SLC39A4: variants seen among roughly 807,000 people sequenced by gnomAD.
The protein encoded by SLC39A4 is zinc transporter ZIP4.
Under a neutral mutation model 56.6 loss-of-function variants are expected in SLC39A4, and 49 were observed. The observed-to-expected ratio is 0.87, with a 90% CI of 0.69 to 1.10. The LOEUF is 1.10. Ranked by LOEUF, SLC39A4 falls within the 50% of genes least tolerant of loss-of-function variation. The pLI, the probability that SLC39A4 is intolerant of heterozygous loss-of-function variation, is 0.00. For missense variants in SLC39A4, 993 were observed against 864.2 expected (o/e 1.15, Z -1.87); for synonymous variants, 540 against 420.4 (o/e 1.28, Z -3.48).
Position 144,414,900 on chromosome 8 carries a change from G to A in SLC39A4, c.805-4C>T, listed in dbSNP as rs2130799328. 5.0e-6 allele frequency: 8 copies of A among 1,613,220 alleles called. No homozygotes were observed. Among genetic ancestry groups the A allele is most frequent in the Non-Finnish European group, 6.8e-6 (8 of 1,179,944 alleles). ...CGTCCCTGGCACTCAGGCATACCTG[G>A]GGGGTGGCAGGACAGGCTCAGGGGC... On this transcript the variant is annotated splice_region_variant and splice_polypyrimidine_tract_variant and intron_variant, in intron 4 of 11. Transcript: ENST00000301305.
At chr8:144,414,190 C>T (rs1822055812) in intron 6 of SLC39A4, 72 bp downstream of exon 6, 1 of 1,579,782 alleles carries the variant, frequency 6.3e-7, no homozygotes, top group Non-Finnish European at 8.6e-7. Flanking sequence ...GGGTAAGGTC[C>T]CTGGGAGGGC....
chr8:144,413,573 A>G lies in SLC39A4; in HGVS notation c.1420-6T>C, dbSNP rs2130795129. 6.4e-7 allele frequency: 1 copy of G among 1,551,452 alleles called. No homozygotes were observed. ...TCCGGGCTCTCCTCCGCCACCTGGG[A>G]GGAGCCTTGAGTAAGTCCCGCCCGG... On this transcript the variant is annotated splice_region_variant and splice_polypyrimidine_tract_variant and intron_variant, in intron 8 of 11. Coordinates refer to ENST00000301305, the MANE Select transcript of SLC39A4 (RefSeq NM_130849.4).
At chr8:144,415,448 C>A in intron 2 of SLC39A4, 29 bp from the exon 3 acceptor site, 1 of 1,573,014 alleles carries the variant, frequency 6.4e-7, no homozygotes, top group East Asian at 2.3e-5. Context: ...CCGCCTCAGC[C>A]TTTGGTGTGA....
chr8:144,413,183 C>G, intron 10 of SLC39A4, 54 bp downstream of exon 10: 3 of 1,511,712 alleles, frequency 2.0e-6, no homozygotes, highest in Non-Finnish European at 2.7e-6. Flanking sequence ...CAGGTCTCCC[C>G]TCCCAGCCCC....
In SLC39A4 at chr8:144,415,416, A is replaced by G; in HGVS notation, c.478T>C (p.Cys160Arg). ...TCCAGCAGCTGAGGGATATCTACGC[A>G]GGCCTGGGGAAGAGGGGGCCTCCGC... ...RAAGQTPKMA[C>R]VDIPQLLEEA... The change falls in exon 3 of 12, where the codon TGC becomes CGC. Residue 160 changes from cysteine (C) to arginine (R), a missense_variant. Transcript: ENST00000301305. 2 of 1,599,284 alleles carry G rather than the reference A, an allele frequency of 1.3e-6. No individual in the cohort carries two copies. Among genetic ancestry groups the G allele is most frequent in the South Asian group, 1.1e-5 (1 of 89,612 alleles).
Position 144,414,559 on chromosome 8 carries a change from G to A in SLC39A4, c.977-125C>T, listed in dbSNP as rs1822082671. Reference sequence around the variant, plus strand: ...GGCCCTCACTCAGGCTGACCCTCCTGCCTCAAAGCCCCACTCTCCTGGCGA... The same window carrying A: ...GGCCCTCACTCAGGCTGACCCTCCTACCTCAAAGCCCCACTCTCCTGGCGA... On this transcript the variant is annotated intron_variant, in intron 5 of 11. Coordinates refer to ENST00000301305, the MANE Select transcript of SLC39A4 (RefSeq NM_130849.4). 4 of 1,498,004 alleles carry A rather than the reference G, an allele frequency of 2.7e-6. No homozygotes were observed. The South Asian group carries it at 3.8e-5, about 14-fold the overall frequency. The allele number at this position is 1,498,004 out of a possible 1,614,324, so 92.8% of individuals were successfully genotyped here.
Position 144,413,401 on chromosome 8 carries a change from G to A in SLC39A4, c.1475-12C>T, listed in dbSNP as rs781949871. ...CAGTAGCCTCAACTCTGCGGGCGCA[G>A]AGGCCCGTGGGTTCGCGTGGCCTGT... On this transcript the variant is annotated splice_polypyrimidine_tract_variant and intron_variant, in intron 9 of 11. Transcript: ENST00000301305. 4.6e-5 allele frequency: 74 copies of A among 1,607,938 alleles called. No homozygotes were observed. Among genetic ancestry groups the A allele is most frequent in the Non-Finnish European group, 5.9e-5 (70 of 1,178,436 alleles).
In SLC39A4 at chr8:144,415,374, C is replaced by T. The variant is rs782501611; in HGVS notation, c.520G>A (p.Gly174Arg). 1.9e-6 allele frequency: 3 copies of T among 1,608,416 alleles called. No individual in the cohort carries two copies. Among genetic ancestry groups the T allele is most frequent in the Admixed American group, 3.4e-5 (2 of 59,440 alleles). Residue 174 changes from glycine (G) to arginine (R), a missense_variant, in exon 3 of 12, where the codon GGG (glycine) becomes AGG (arginine). By Grantham distance (125) the Gly-to-Arg change is moderately radical. Transcript: ENST00000301305. ...PQLLEEAVGA[G>R]APGSAGGVLA... ...ACGCCGCCAGCACTGCCCGGAGCCCCCGCCCCCACCGCCTCCTCCAGCAGC... is the reference window on the plus strand; with the variant it reads ...ACGCCGCCAGCACTGCCCGGAGCCCTCGCCCCCACCGCCTCCTCCAGCAGC...
At chr8:144,414,661 C>T (rs1822087126) in intron 5 of SLC39A4, 64 bp downstream of exon 5, 2 of 1,594,974 alleles carry the variant, frequency 1.3e-6, no homozygotes, top group Non-Finnish European at 1.7e-6. Context: ...TGGGCAGCCA[C>T]TCCTTCCTTC....
Position 144,416,000 on chromosome 8 carries a change from C to T in SLC39A4, c.284G>A (p.Arg95His). The T allele has an allele frequency of 6.3e-7, 1 of 1,583,020 alleles. No individual in the cohort carries two copies. ...GTACAGGACGGCGGCGGCACTGAGG[C>T]GGGCGACGTACCTGGCCTCCAGGAC... is the stretch of plus-strand genomic sequence containing the variant. ...GPVLEARYVA[R>H]LSAAAVLYLS... Residue 95 changes from arginine (R) to histidine (H), a missense_variant, in exon 2 of 12, where the codon CGC (arginine) becomes CAC (histidine). By Grantham distance (29) the Arg-to-His change is conservative. Transcript: ENST00000301305.
In SLC39A4 at chr8:144,415,094, C is replaced by T. The variant is rs782527583; in HGVS notation, c.684G>A (p.Met228Ile). Reference sequence around the variant, plus strand: ...CCTCCCTGCCCACCCCCAGGCGCTGCATCAAGGCTGACAGCTCTGGCAGGG... The same window carrying T: ...CCTCCCTGCCCACCCCCAGGCGCTGTATCAAGGCTGACAGCTCTGGCAGGG... ...PMTLAELSAL[M>I]QRLGVGREAH... Residue 228 changes from methionine (M) to isoleucine (I), a missense_variant, in exon 4 of 12, where the codon ATG (methionine) becomes ATA (isoleucine). Met to Ile is a conservative substitution (Grantham distance 10). Transcript: ENST00000301305. 5 of 1,612,006 alleles carry T rather than the reference C, an allele frequency of 3.1e-6. No individual in the cohort carries two copies. Among genetic ancestry groups the T allele is most frequent in the Middle Eastern group, 1.7e-4 (1 of 6,056 alleles).
At position 144,413,578 on chromosome 8, in the gene SLC39A4, C is replaced by T; in HGVS notation, c.1420-11G>A. 6.4e-7 allele frequency: 1 copy of T among 1,551,154 alleles called. No individual in the cohort carries two copies. ...GCTCTCCTCCGCCACCTGGGAGGAG[C>T]CTTGAGTAAGTCCCGCCCGGAAGTG... On this transcript the variant is annotated splice_polypyrimidine_tract_variant and intron_variant, in intron 8 of 11. Transcript: ENST00000301305.
chr8:144,413,925 C>T, intron 7 of SLC39A4, 33 bp downstream of exon 7: 1 of 1,610,438 alleles, frequency 6.2e-7, no homozygotes, highest in Non-Finnish European at 8.5e-7. Flanking sequence ...CCCAGCACAC[C>T]CACCCGCCGG....
Position 144,412,900 on chromosome 8 carries a change from T to C in SLC39A4, c.1674A>G (p.Ala558=). ...LLHAGLSVRQ[A]LLLNLASALT... ...GCGCGGAGGCCAGGTTCAGCAGCAG[T>C]GCTTGGCGCACGGACAGCCCCGCGT... Residue 558 remains alanine, a synonymous_variant, in exon 11 of 12, where the codon GCA becomes GCG. Transcript: ENST00000301305. The C allele has an allele frequency of 6.2e-7, 1 of 1,609,808 alleles. No individual in the cohort carries two copies. Among genetic ancestry groups the C allele is most frequent in the South Asian group, 1.1e-5 (1 of 90,978 alleles).
At chr8:144,413,113 C>T in intron 10 of SLC39A4, 124 bp downstream of exon 10, 2 of 1,484,220 alleles carry the variant, frequency 1.3e-6, no homozygotes, top group African/African-American at 1.4e-5. Context: ...CACCTGTTTC[C>T]GGTCTCCCCA....
chr8:144,415,875 T>C lies in SLC39A4; in HGVS notation c.409A>G (p.Thr137Ala). ...LALLESPKAL[T>A]PGLSWLLQRM... ...TGCAGCAGCCAGCTCAGGCCCGGGG[T>C]CAGGGCCTTGGGGCTCTCGAGCAGG... Residue 137 changes from threonine (T) to alanine (A), a missense_variant, in exon 2 of 12, where the codon ACC becomes GCC. Thr to Ala is a moderately conservative substitution (Grantham distance 58). Transcript: ENST00000301305. 6.3e-7 allele frequency: 1 copy of C among 1,596,946 alleles called. No individual in the cohort carries two copies.
At position 144,412,633 on chromosome 8, in the gene SLC39A4, G is replaced by C. The variant is rs1821924831; in HGVS notation, c.1849C>G (p.Pro617Ala). ...PAMLKVRDPR[P>A]WLLFLLHNVG... ...TTGTGCAGCAGGAAGAGGAGCCAGG[G>C]CCGCGGGTCCCGTACTTTCAACATC... Residue 617 changes from proline to alanine, a missense_variant, in exon 12 of 12, where the codon CCC becomes GCC. Coordinates refer to ENST00000301305, the MANE Select transcript of SLC39A4 (RefSeq NM_130849.4). 6.2e-7 allele frequency: 1 copy of C among 1,613,998 alleles called. No homozygotes were observed. The highest frequency in any genetic ancestry group is 8.5e-7 in the Non-Finnish European group (1 of 1,180,020).
chr8:144,415,819 G>A lies in SLC39A4; in HGVS notation c.465C>T (p.Thr155=), dbSNP rs781789218. The part of the protein sequence containing the change: ...QRMQARAAGQ[T]PKMACVDIPQ... The stretch of plus-strand genomic sequence containing the variant: ...CTGGACTCTCCCTCACCATCTTGGG[G>A]GTCTGGCCGGCAGCCCGGGCCTGCA... Residue 155 remains threonine (T), a synonymous_variant, in exon 2 of 12, where the codon ACC becomes ACT. Transcript: ENST00000301305. The A allele has an allele frequency of 1.3e-6, 2 of 1,594,706 alleles. No individual in the cohort carries two copies. The highest frequency in any genetic ancestry group is 1.7e-6 in the Non-Finnish European group (2 of 1,175,760).
At position 144,413,504 on chromosome 8, in the gene SLC39A4, T is replaced by G. The variant is rs1554872402; in HGVS notation, c.1474+9A>C. 6.4e-7 allele frequency: 1 copy of G among 1,555,950 alleles called. No individual in the cohort carries two copies. The highest frequency in any genetic ancestry group is 1.9e-5 in the Admixed American group (1 of 51,756). On this transcript the variant is annotated intron_variant, in intron 9 of 11. Transcript: ENST00000301305. ...CCCCAGCCCTTCCGGGGTCGCCCCC[T>G]GGGCTCACCTGGGCTCAGTCTCCTG...
Sources: allele counts gnomAD v4.1 joint callset, GRCh38; gene constraint gnomAD v4.1.1; transcripts MANE v1.5; gene names NCBI Gene and HGNC (gene_info 2026-07-23, HGNC 2026-07-21).